Variants in RSU1 observed in about 807,000 individuals in gnomAD.
RSU1 encodes Ras suppressor protein 1.
A neutral mutation model predicts 31.1 loss-of-function variants in RSU1; 26 were observed. That is an observed-to-expected ratio of 0.84 (90% confidence interval 0.61 to 1.16). The LOEUF (loss-of-function observed/expected upper bound fraction) is 1.16, where lower values mean the gene tolerates loss of function less well. Among genes scored for constraint, RSU1 ranks in the 50% most tolerant of loss-of-function variants. The pLI, the probability that RSU1 is intolerant of heterozygous loss-of-function variation, is 0.00. For synonymous variants in RSU1, 164 were observed against 136.3 expected (o/e 1.20, Z -1.41); for missense variants, 320 against 339.1 (o/e 0.94, Z 0.44).
intron 7 of RSU1, among the ~76,000 whole-genome samples, chr10:16,726,571 G>A (rs1036487421): frequency 3.9e-5 from 6 of 152,054 alleles, no homozygotes; most frequent in Admixed American, 2.0e-4. Flanking sequence ...GGCCAAGAAC[G>A]TATCTTGAAT....
intron 7 of RSU1, among the ~76,000 whole-genome samples, chr10:16,733,403 G>C (rs1031591502): frequency 6.7e-6 from 1 of 150,234 alleles, no homozygotes; most frequent in African/African-American, 2.5e-5. Flanking sequence ...AGCTACTCAA[G>C]AGGCTGAGGC....
At chr10:16,723,365 C>T (rs1836322097) in intron 7 of RSU1, among the ~76,000 whole-genome samples, 3 of 152,000 alleles carry the variant, frequency 2.0e-5, no homozygotes, top group Non-Finnish European at 2.9e-5. Flanking sequence ...GATACTGTTC[C>T]TTCTGTAAAG....
chr10:16,807,187 A>T (rs1171850274), intron 2 of RSU1, among the ~76,000 whole-genome samples: 1 of 152,234 alleles, frequency 6.6e-6, no homozygotes, highest in African/African-American at 2.4e-5. Context: ...TGTGTCCTGA[A>T]AAACTAAGAG....
rs2131521594 is a variant in RSU1, at chr10:16,656,564, T to A, written c.731+38459A>T. ...TCAACCAGGGCCTGCAAAGTGAGAT[T>A]GTATAAAATCAATGTATTTAAACAA... On this transcript the variant is annotated intron_variant, in intron 8 of 8. Coordinates refer to ENST00000345264, the MANE Select transcript of RSU1 (RefSeq NM_012425.4). Among the ~76,000 whole-genome samples the A allele has an allele frequency of 2.0e-5, 3 of 152,354 alleles. No individual in the cohort carries two copies. In the South Asian group the frequency reaches 6.2e-4, roughly 32 times the overall value.
chr10:16,784,271 T>C (rs1462162349), intron 2 of RSU1, among the ~76,000 whole-genome samples: 1 of 151,956 alleles, frequency 6.6e-6, no homozygotes, highest in East Asian at 1.9e-4. Context: ...TTTGTTTTAT[T>C]TTGTTTTGTT....
intron 8 of RSU1, among the ~76,000 whole-genome samples, chr10:16,666,099 C>T (rs1834982852): frequency 6.6e-6 from 1 of 152,102 alleles, no homozygotes; most frequent in African/African-American, 2.4e-5. Flanking sequence ...TAATTTTGAT[C>T]TCTTCACCAT....
chr10:16,800,277 C>A (rs75140489), intron 2 of RSU1, among the ~76,000 whole-genome samples: 8,570 of 152,216 alleles, frequency 0.056, 326 homozygotes, highest in African/African-American at 0.11. Flanking sequence ...AGATATTTTA[C>A]AGTTATCTGA....
intron 3 of RSU1, among the ~76,000 whole-genome samples, chr10:16,770,916 A>C (rs1219005482): frequency 6.6e-6 from 1 of 151,768 alleles, no homozygotes; most frequent in Admixed American, 6.6e-5. Flanking sequence ...GCAAAATGAA[A>C]CTGAGTAGTA....
At chr10:16,600,552 G>A (rs537344708) in intron 8 of RSU1, among the ~76,000 whole-genome samples, 44 of 128,460 alleles carry the variant, frequency 3.4e-4, no homozygotes, top group South Asian at 4.4e-4. Flanking sequence ...TTACTGACAC[G>A]TGTTTTTTTT....
At chr10:16,617,676 A>G (rs1208801658) in intron 8 of RSU1, among the ~76,000 whole-genome samples, 3 of 152,224 alleles carry the variant, frequency 2.0e-5, no homozygotes, top group Non-Finnish European at 2.9e-5. Flanking sequence ...CCTCAGAAAT[A>G]ACACCGCACA....
intron 7 of RSU1, among the ~76,000 whole-genome samples, chr10:16,748,883 C>A (rs1412030480): frequency 6.6e-6 from 1 of 151,962 alleles, no homozygotes; most frequent in African/African-American, 2.4e-5. Context: ...TCCCAGAGCT[C>A]TTAATACCAC....
intron 8 of RSU1, among the ~76,000 whole-genome samples, chr10:16,594,292 G>T (rs1173534715): frequency 6.6e-6 from 1 of 152,186 alleles, no homozygotes; most frequent in Non-Finnish European, 1.5e-5. Context: ...GTGAATGAGG[G>T]TTGGCACAGA....
At chr10:16,749,922 C>T (rs1403577979) in intron 7 of RSU1, among the ~76,000 whole-genome samples, 1 of 152,164 alleles carries the variant, frequency 6.6e-6, no homozygotes, top group African/African-American at 2.4e-5. Flanking sequence ...AAAAGGACCT[C>T]ACCGTGATCA....
At chr10:16,606,681 A>G (rs1833810908) in intron 8 of RSU1, among the ~76,000 whole-genome samples, 1 of 152,212 alleles carries the variant, frequency 6.6e-6, no homozygotes, top group South Asian at 2.1e-4. Context: ...TATCACGTGA[A>G]GGAAACCATG....
At chr10:16,682,099 T>C (rs1433297654) in intron 8 of RSU1, among the ~76,000 whole-genome samples, 1 of 152,130 alleles carries the variant, frequency 6.6e-6, no homozygotes, top group Non-Finnish European at 1.5e-5. Flanking sequence ...ATAGATCTCC[T>C]GGGACAAGGT....
chr10:16,701,113 T>C (rs192689145), intron 7 of RSU1, among the ~76,000 whole-genome samples: 44 of 152,332 alleles, frequency 2.9e-4, no homozygotes, highest in Admixed American at 1.3e-3. Context: ...AGGATAAACA[T>C]TAATTACCGA....
At chr10:16,647,772 AT>A (rs1183922319) in intron 8 of RSU1, among the ~76,000 whole-genome samples, 1 of 152,182 alleles carries the variant, frequency 6.6e-6, no homozygotes, top group African/African-American at 2.4e-5. Context: ...GTATGAATAT[AT>A]AAAAAGCTAC....
intron 3 of RSU1, among the ~76,000 whole-genome samples, chr10:16,771,083 G>A (rs747910914): frequency 6.6e-6 from 1 of 152,046 alleles, no homozygotes; most frequent in Admixed American, 6.5e-5. Flanking sequence ...AAGGACAGAG[G>A]ATGGCAGAGG....
At chr10:16,636,351 T>G (rs1834344838) in intron 8 of RSU1, among the ~76,000 whole-genome samples, 1 of 152,102 alleles carries the variant, frequency 6.6e-6, no homozygotes, top group Non-Finnish European at 1.5e-5. Context: ...AAATATAAAG[T>G]GAGCCCTGAC....
Sources: gnomAD v4.1 joint callset for allele counts (sites outside exome capture counted in the v4.1 genomes callset) on GRCh38, gnomAD v4.1.1 for gene constraint, MANE v1.5 for transcripts, NCBI Gene and HGNC (gene_info 2026-07-23, HGNC 2026-07-21) for gene names.